MEI4: variants seen among roughly 807,000 people sequenced by gnomAD.
The protein encoded by MEI4 is meiosis-specific protein MEI4.
A neutral mutation model predicts 31.4 loss-of-function variants in MEI4; 27 were observed. That is an observed-to-expected ratio of 0.86 (90% CI 0.63 to 1.19). The LOEUF (loss-of-function observed/expected upper bound fraction) is 1.19, where lower values mean the gene tolerates loss of function less well. Ranked by LOEUF, MEI4 falls within the 50% of genes most tolerant of loss-of-function variation. The pLI is 0.00. For synonymous variants in MEI4, 122 were observed against 145.4 expected, an observed-to-expected ratio of 0.84 and a Z score of 1.16; for missense variants, 329 against 398.9, an observed-to-expected ratio of 0.82 and a Z score of 1.49.
intron 2 of MEI4, among the ~76,000 whole-genome samples, chr6:77,703,430 A>G (rs937412135): frequency 6.6e-6 from 1 of 152,234 alleles, no homozygotes; most frequent in Non-Finnish European, 1.5e-5. Flanking sequence ...GCTTCTTATC[A>G]GTGCAACAAA....
At chr6:77,819,063 A>G (rs1044166005) in intron 3 of MEI4, among the ~76,000 whole-genome samples, 1 of 152,204 alleles carries the variant, frequency 6.6e-6, no homozygotes, top group Non-Finnish European at 1.5e-5. Context: ...AATAAAATTT[A>G]AATGTAGACA....
At chr6:77,693,839 T>C (rs1769205563) in intron 2 of MEI4, among the ~76,000 whole-genome samples, 2 of 152,086 alleles carry the variant, frequency 1.3e-5, no homozygotes, top group South Asian at 4.2e-4. Flanking sequence ...TAAAGTGTAT[T>C]TATATTATTA....
intron 3 of MEI4, among the ~76,000 whole-genome samples, 165 bp from the exon 4 acceptor site, chr6:77,828,766 A>T (rs1770014064): frequency 6.6e-6 from 1 of 152,208 alleles, no homozygotes; most frequent in Admixed American, 6.5e-5. Flanking sequence ...CTTAGAGCCT[A>T]GAATATTATA....
chr6:77,873,451 G>T (rs1342516851), intron 4 of MEI4, among the ~76,000 whole-genome samples: 1 of 148,642 alleles, frequency 6.7e-6, no homozygotes, highest in East Asian at 2.0e-4. Context: ...TGATGGGGTT[G>T]TTTGTTTTTT....
chr6:77,689,287 A>G (rs9350716), intron 1 of MEI4, among the ~76,000 whole-genome samples: 20,530 of 151,998 alleles, frequency 0.14, 1,472 homozygotes, highest in Middle Eastern at 0.2. Context: ...CTAAAAATCT[A>G]ATTTTTAATG....
chr6:77,759,805 TA>T (rs1768003484), intron 2 of MEI4, among the ~76,000 whole-genome samples: 1 of 152,208 alleles, frequency 6.6e-6, no homozygotes, highest in Admixed American at 6.5e-5. Context: ...CTCAATGTTT[TA>T]TTATGTTCGC....
intron 2 of MEI4, among the ~76,000 whole-genome samples, chr6:77,757,156 CAT>C (rs932963924): frequency 7.2e-5 from 11 of 152,174 alleles, no homozygotes; most frequent in Non-Finnish European, 1.6e-4. Flanking sequence ...ATCAAAATAA[CAT>C]ATCTTTCAGG....
At chr6:77,753,388 A>T (rs146156211) in intron 2 of MEI4, among the ~76,000 whole-genome samples, 3,452 of 152,226 alleles carry the variant, frequency 0.023, 133 homozygotes, top group African/African-American at 0.078. Flanking sequence ...TCTACAAAGA[A>T]CTTAAACAAA....
intron 1 of MEI4, among the ~76,000 whole-genome samples, chr6:77,679,310 C>T (rs1768907501): frequency 6.6e-6 from 1 of 152,134 alleles, no homozygotes; most frequent in Non-Finnish European, 1.5e-5. Context: ...CTTAAGTGCC[C>T]TATACAGGTA....
At position 77,788,626 on chromosome 6, in the gene MEI4, C is replaced by T. The variant is rs553056465; in HGVS notation, c.768+26961C>T. Among the ~76,000 whole-genome samples the T allele has an allele frequency of 1.4e-3, 214 of 151,938 alleles. 1 individual carries two copies. Among genetic ancestry groups the T allele is most frequent in the African/African-American group, 4.5e-3 (186 of 41,418 alleles). On this transcript the variant is annotated intron_variant, in intron 3 of 4. Transcript: ENST00000684080. The stretch of plus-strand genomic sequence containing the variant: ...CACCAAGAACAGACAAACAGAGAGC[C>T]GAATCATGAGTGAACTCCCATTCAC...
chr6:77,853,736 A>G (rs938964471), intron 4 of MEI4, among the ~76,000 whole-genome samples: 2 of 152,200 alleles, frequency 1.3e-5, no homozygotes, highest in Admixed American at 6.5e-5. Context: ...GAATAGTTCT[A>G]TATCAGGACA....
At chr6:77,859,097 C>G (rs1043889059) in intron 4 of MEI4, among the ~76,000 whole-genome samples, 3 of 152,144 alleles carry the variant, frequency 2.0e-5, no homozygotes, top group South Asian at 2.1e-4. Flanking sequence ...TGTTCAAGTC[C>G]CACTTAGAGA....
At chr6:77,874,899 G>A (rs1295976071) in intron 4 of MEI4, among the ~76,000 whole-genome samples, 1 of 152,128 alleles carries the variant, frequency 6.6e-6, no homozygotes, top group Non-Finnish European at 1.5e-5. Context: ...TTTATATGCT[G>A]GATTACATTT....
At chr6:77,728,976 T>A (rs1766900581) in intron 2 of MEI4, among the ~76,000 whole-genome samples, 2 of 152,148 alleles carry the variant, frequency 1.3e-5, no homozygotes, top group Non-Finnish European at 2.9e-5. Flanking sequence ...GTGATAATGG[T>A]TTAGCATAAG....
At chr6:77,890,503 A>C (rs1010000514) in intron 4 of MEI4, among the ~76,000 whole-genome samples, 1 of 152,026 alleles carries the variant, frequency 6.6e-6, no homozygotes, top group Non-Finnish European at 1.5e-5. Flanking sequence ...CTTACTTTTG[A>C]TTTTACAGGC....
At chr6:77,844,484 C>T (rs1770433539) in intron 4 of MEI4, among the ~76,000 whole-genome samples, 1 of 152,126 alleles carries the variant, frequency 6.6e-6, no homozygotes, top group Non-Finnish European at 1.5e-5. Flanking sequence ...CTAGAGCAAT[C>T]TCTCAGTGAA....
chr6:77,809,456 T>C (rs1353172966), intron 3 of MEI4, among the ~76,000 whole-genome samples: 3 of 152,236 alleles, frequency 2.0e-5, no homozygotes, highest in African/African-American at 7.2e-5. Context: ...GAGCTTCTTA[T>C]ATTAAAAACT....
intron 2 of MEI4, among the ~76,000 whole-genome samples, chr6:77,742,447 T>A (rs180743310): frequency 6.6e-6 from 1 of 152,102 alleles, no homozygotes; most frequent in Non-Finnish European, 1.5e-5. Flanking sequence ...TCATGTCCTT[T>A]GCCCACTTTT....
chr6:77,728,984 A>T (rs1159549439), intron 2 of MEI4, among the ~76,000 whole-genome samples: 1 of 152,208 alleles, frequency 6.6e-6, no homozygotes, highest in Non-Finnish European at 1.5e-5. Context: ...GGTTTAGCAT[A>T]AGGTGGGATC....
Sources: allele counts gnomAD v4.1 joint callset (sites outside exome capture counted in the v4.1 genomes callset), GRCh38; gene constraint gnomAD v4.1.1; transcripts MANE v1.5; gene names NCBI Gene and HGNC (gene_info 2026-07-23, HGNC 2026-07-21).